DPYS: variants seen among roughly 807,000 people sequenced by gnomAD.
DPYS encodes the protein dihydropyrimidine amidohydrolase.
A neutral mutation model predicts 50.3 loss-of-function variants in DPYS; 39 were observed. The ratio of observed to expected loss-of-function variants is 0.78; its 90% CI spans 0.60 to 1.01. The LOEUF (loss-of-function observed/expected upper bound fraction) is 1.01. Among genes scored for constraint, DPYS ranks in the 50% least tolerant of loss-of-function variants. DPYS has a pLI of 0.00. For synonymous variants in DPYS, 245 were observed against 250.7 expected (o/e 0.98, Z 0.22); for missense variants, 659 against 680.9 (o/e 0.97, Z 0.36).
chr8:104,440,692 G>C (rs937023992), intron 4 of DPYS, among the ~76,000 whole-genome samples: 3 of 152,000 alleles, frequency 2.0e-5, no homozygotes, highest in Admixed American at 1.3e-4. Context: ...CCAGGAGATG[G>C]AGGTTGCAGT....
At chr8:104,437,349 G>A (rs1455649443) in intron 4 of DPYS, among the ~76,000 whole-genome samples, 1 of 152,190 alleles carries the variant, frequency 6.6e-6, no homozygotes, top group Non-Finnish European at 1.5e-5. Context: ...GAAACAGGAT[G>A]TGGTAAAGAA....
intron 8 of DPYS, among the ~76,000 whole-genome samples, chr8:104,390,947 G>A (rs372721621): frequency 9.9e-5 from 15 of 152,182 alleles, no homozygotes; most frequent in African/African-American, 3.4e-4. Context: ...CAGAAACACC[G>A]AGGATCCTAG....
chr8:104,384,857 T>C (rs955490660), intron 8 of DPYS, among the ~76,000 whole-genome samples: 1 of 152,212 alleles, frequency 6.6e-6, no homozygotes, highest in African/African-American at 2.4e-5. Flanking sequence ...AGGTTTCTTT[T>C]CTCGCCTTCT....
At chr8:104,380,969 C>A in intron 9 of DPYS, 1 of 502,922 alleles carries the variant, frequency 2.0e-6, no homozygotes, top group Non-Finnish European at 3.6e-6. Context: ...TTCCTAACAT[C>A]TTAAAGAATG....
In DPYS at chr8:104,447,263, T is replaced by A. The variant is rs1813564277; in HGVS notation, c.603+61A>T. 5.0e-6 allele frequency: 8 copies of A among 1,597,610 alleles called. No individual in the cohort carries two copies. The South Asian group carries it at 7.8e-5, about 16-fold the overall frequency. Reference sequence around the variant, plus strand: ...GAGTTTACCTATGTAGGCCCAATCATCTTCACCTTATGTTATGGCTGCTGT... The same window carrying A: ...GAGTTTACCTATGTAGGCCCAATCAACTTCACCTTATGTTATGGCTGCTGT... On this transcript the variant is annotated intron_variant, in intron 3 of 9. Transcript: ENST00000351513.
At chr8:104,425,988 G>C (rs1177547434) in intron 6 of DPYS, among the ~76,000 whole-genome samples, 1 of 152,084 alleles carries the variant, frequency 6.6e-6, no homozygotes, top group East Asian at 1.9e-4. Context: ...ATATACCAGG[G>C]AACTATATAG....
At chr8:104,387,399 C>T (rs2140509030) in intron 8 of DPYS, among the ~76,000 whole-genome samples, 1 of 152,324 alleles carries the variant, frequency 6.6e-6, no homozygotes, top group East Asian at 1.9e-4. Context: ...GCTGGGCTGT[C>T]TCATTTCAGG....
chr8:104,425,548 G>T (rs1812694229), intron 6 of DPYS, among the ~76,000 whole-genome samples: 1 of 151,770 alleles, frequency 6.6e-6, no homozygotes, highest in African/African-American at 2.4e-5. Flanking sequence ...TAACACTTCG[G>T]GAGGCCGAGG....
At chr8:104,457,214 C>T (rs570092798) in intron 1 of DPYS, among the ~76,000 whole-genome samples, 1 of 152,154 alleles carries the variant, frequency 6.6e-6, no homozygotes, top group African/African-American at 2.4e-5. Context: ...TGGCCACAAG[C>T]ACTGCAATAT....
intron 4 of DPYS, among the ~76,000 whole-genome samples, chr8:104,442,726 G>T (rs1813398389): frequency 6.6e-6 from 1 of 152,114 alleles, no homozygotes; most frequent in South Asian, 2.1e-4. Context: ...GAACCTTAAT[G>T]CAACAAGAAG....
chr8:104,440,783 C>CA (rs996200912), intron 4 of DPYS, among the ~76,000 whole-genome samples: 8 of 151,048 alleles, frequency 5.3e-5, no homozygotes, highest in Admixed American at 1.3e-4. Context: ...AAACAAAAAA[C>CA]AAAAAAAAGA....
intron 6 of DPYS, 124 bp downstream of exon 6, chr8:104,427,856 T>C: frequency 3.6e-6 from 5 of 1,398,150 alleles, no homozygotes; most frequent in Non-Finnish European, 5.1e-6. Context: ...GCATTCCTAG[T>C]ATCCTCCCTA....
In DPYS at chr8:104,385,487, C is replaced by T. The variant is rs1188571991; in HGVS notation, c.1444-4173G>A. On this transcript the variant is annotated intron_variant, in intron 8 of 9. Coordinates refer to ENST00000351513, the MANE Select transcript of DPYS (RefSeq NM_001385.3). ...ATTATGGTATTTTTTCCCCCCAGTACATGCTGGTCAAGATTAGATGATCAC... is the reference window on the plus strand; with the variant it reads ...ATTATGGTATTTTTTCCCCCCAGTATATGCTGGTCAAGATTAGATGATCAC... Among the ~76,000 whole-genome samples, 4 of 152,204 alleles carry T rather than the reference C, an allele frequency of 2.6e-5. No individual in the cohort carries two copies. The East Asian group carries it at 7.7e-4, about 29-fold the overall frequency.
In DPYS at chr8:104,379,688, AAGAC is replaced by A. The variant is rs539754034; in HGVS notation, c.*166_*169del. 2.4e-3 allele frequency: 982 copies of A among 416,740 alleles called. 6 individuals are homozygous for A. Among genetic ancestry groups the A allele is most frequent in the Middle Eastern group, 8.3e-3 (24 of 2,882 alleles). 25.8% of individuals were successfully genotyped at this position (416,740 alleles called of 1,614,324 possible). On this transcript the variant is annotated 3_prime_UTR_variant, in exon 10 of 10. Transcript: ENST00000351513. Reference sequence around the variant, plus strand: ...ATGCAGCAACAAAAACACAGTGAGAAAGACAGCAATTGCTTCTGAAAGAAAATCA... The same window carrying A: ...ATGCAGCAACAAAAACACAGTGAGAAAGCAATTGCTTCTGAAAGAAAATCA...
chr8:104,397,571 T>C (rs1039847203), intron 7 of DPYS, among the ~76,000 whole-genome samples: 1 of 152,218 alleles, frequency 6.6e-6, no homozygotes, highest in African/African-American at 2.4e-5. Flanking sequence ...GGTTGATTAG[T>C]AATGAATAAA....
chr8:104,464,039 G>A (rs539188639), intron 1 of DPYS, among the ~76,000 whole-genome samples: 3 of 152,166 alleles, frequency 2.0e-5, no homozygotes, highest in African/African-American at 7.2e-5. Flanking sequence ...TGTAAGTACT[G>A]TTTAATATTC....
Position 104,461,291 on chromosome 8 carries a change from CAATAA to C in DPYS, c.264+5361_264+5365del, listed in dbSNP as rs5893688. Reference sequence around the variant, plus strand: ...CAGGTGAGAGAGTGAGACCCTGTCTCAATAAAATAAAATAAAATAAAATAAAATAA... The same window carrying C: ...CAGGTGAGAGAGTGAGACCCTGTCTCAATAAAATAAAATAAAATAAAATAA... On this transcript the variant is annotated intron_variant, in intron 1 of 9. Transcript: ENST00000351513. Among the ~76,000 whole-genome samples, 846 of 110,260 alleles carry C rather than the reference CAATAA, an allele frequency of 7.7e-3. 7 individuals are homozygous for C. The highest frequency in any genetic ancestry group is 0.024 in the Middle Eastern group (6 of 250). 72.3% of individuals were successfully genotyped at this position (110,260 alleles called of 152,430 possible).
At chr8:104,422,693 C>T (rs1414058731) in intron 7 of DPYS, among the ~76,000 whole-genome samples, 1 of 152,150 alleles carries the variant, frequency 6.6e-6, no homozygotes, top group Non-Finnish European at 1.5e-5. Context: ...ATAGTTTTCT[C>T]CCTTTTGAAA....
At chr8:104,463,956 G>A (rs746286596) in intron 1 of DPYS, among the ~76,000 whole-genome samples, 2 of 152,082 alleles carry the variant, frequency 1.3e-5, no homozygotes, top group South Asian at 4.1e-4. Context: ...CAGCTGTTTC[G>A]GGGGGTGGGA....
Sources: allele counts gnomAD v4.1 joint callset (sites outside exome capture counted in the v4.1 genomes callset), GRCh38; gene constraint gnomAD v4.1.1; transcripts MANE v1.5; gene names NCBI Gene and HGNC (gene_info 2026-07-23, HGNC 2026-07-21).